The following IREB2 variants were observed in gnomAD, a reference collection of about 807,000 sequenced individuals.
IREB2 encodes iron responsive element binding protein 2, also known as iron-responsive element-binding protein 2.
Under a neutral mutation model 118.8 loss-of-function variants are expected in IREB2, and 39 were observed. The observed-to-expected ratio is 0.33, with a 90% CI of 0.25 to 0.43. IREB2 has a LOEUF of 0.43. Ranked by LOEUF, IREB2 falls within the 20% of genes least tolerant of loss-of-function variation. The pLI, the probability that IREB2 is intolerant of heterozygous loss-of-function variation, is 1.00. For missense variants in IREB2, 900 were observed against 1,147.3 expected (o/e 0.78, Z 3.11); for synonymous variants, 372 against 392.2 (o/e 0.95, Z 0.61).
chr15:78,445,298 C>G (rs2050911057), intron 2 of IREB2, among the ~76,000 whole-genome samples: 4 of 152,148 alleles, frequency 2.6e-5, no homozygotes, highest in Admixed American at 2.0e-4. Context: ...CCTTCACACC[C>G]TGCTGATTTT....
chr15:78,490,935 G>A (rs11858836), intron 18 of IREB2, among the ~76,000 whole-genome samples, 174 bp downstream of exon 18: 35,727 of 151,578 alleles, frequency 0.24, 5,401 homozygotes, highest in Middle Eastern at 0.37. Context: ...GAGGCGGGGG[G>A]TACCTTCTGT....
Position 78,494,187 on chromosome 15 carries a change from C to T in IREB2, c.2518C>T (p.Pro840Ser), listed in dbSNP as rs539106859. 6.2e-7 allele frequency: 1 copy of T among 1,613,898 alleles called. No homozygotes were observed. The highest frequency in any genetic ancestry group is 1.1e-5 in the South Asian group (1 of 91,074). Residue 840 changes from proline (P) to serine (S), a missense_variant, in exon 20 of 22, where the codon CCA (proline) becomes TCA (serine). By Grantham distance (74) the Pro-to-Ser change is moderately conservative. Transcript: ENST00000258886. Reference sequence around the variant, plus strand: ...AGAGCTGTACCAGAAAGAAGGTATCCCACTGATTATTTTAGCAGGAAAGAA... The same window carrying T: ...AGAGCTGTACCAGAAAGAAGGTATCTCACTGATTATTTTAGCAGGAAAGAA... ...AAELYQKEGIPLIILAGKKYG... is the reference protein window; with the variant it reads ...AAELYQKEGISLIILAGKKYG...
At chr15:78,473,445 T>C in intron 8 of IREB2, 64 bp downstream of exon 8, 1 of 1,418,862 alleles carries the variant, frequency 7.0e-7, no homozygotes, top group Non-Finnish European at 9.8e-7. Flanking sequence ...ATTGAAGAGC[T>C]CTATGAGAGC....
chr15:78,486,836 A>C (rs1159965992), intron 13 of IREB2, among the ~76,000 whole-genome samples: 1 of 152,012 alleles, frequency 6.6e-6, no homozygotes. Context: ...CACCCAGCTA[A>C]TTTTTATGTT....
chr15:78,453,719 T>C (rs2051062250), intron 2 of IREB2, among the ~76,000 whole-genome samples: 1 of 152,196 alleles, frequency 6.6e-6, no homozygotes. Flanking sequence ...ACTGTTAGTT[T>C]CTATTTATCA....
At chr15:78,461,761 G>A (rs1050202884) in intron 2 of IREB2, among the ~76,000 whole-genome samples, 6 of 152,144 alleles carry the variant, frequency 3.9e-5, no homozygotes, top group Admixed American at 2.0e-4. Flanking sequence ...GCTCTCATTA[G>A]CTACTCTGAT....
rs200881284 is a variant in IREB2, at chr15:78,494,211, A to G, written c.2542A>G (p.Lys848Glu). ...GIPLIILAGK[K>E]YGSGNSRDWA... ...CCCACTGATTATTTTAGCAGGAAAG[A>G]AATATGGTTCAGGAAACTCCAGAGA... Residue 848 changes from lysine to glutamate, a missense_variant, in exon 20 of 22, where the codon AAA (lysine) becomes GAA (glutamate). Transcript: ENST00000258886. 5.6e-6 allele frequency: 9 copies of G among 1,613,988 alleles called. No individual in the cohort carries two copies. The Admixed American group carries it at 1.5e-4, about 27-fold the overall frequency.
chr15:78,490,360 C>A, intron 16 of IREB2, 62 bp from the exon 17 acceptor site: 1 of 1,012,534 alleles, frequency 9.9e-7, no homozygotes, highest in East Asian at 2.4e-5. Context: ...CATTTTCATG[C>A]GCCTCTTTTT....
At chr15:78,485,908 G>C in intron 13 of IREB2, 68 bp downstream of exon 13, 2 of 1,290,404 alleles carry the variant, frequency 1.5e-6, no homozygotes, top group Non-Finnish European at 2.2e-6. Context: ...GCTTGTTTGT[G>C]CCTTTCATAT....
intron 2 of IREB2, 34 bp downstream of exon 2, chr15:78,439,915 A>G: frequency 7.8e-7 from 1 of 1,277,996 alleles, no homozygotes; most frequent in South Asian, 1.3e-5. Context: ...GGGTTTGTTT[A>G]GTCTCTAATA....
rs139377295 is a variant in IREB2, at chr15:78,447,709, C to A, written c.106+7828C>A. On this transcript the variant is annotated intron_variant, in intron 2 of 21. Coordinates refer to ENST00000258886, the MANE Select transcript of IREB2 (RefSeq NM_004136.4). ...AAGCAGTCTTCCTGCCTTGGCCTCCCAGTGTGCTAGGATTACAGGCGTGAG... is the reference window on the plus strand; with the variant it reads ...AAGCAGTCTTCCTGCCTTGGCCTCCAAGTGTGCTAGGATTACAGGCGTGAG... Among the ~76,000 whole-genome samples the A allele has an allele frequency of 4.9e-3, 743 of 152,274 alleles. 6 individuals are homozygous for A. The highest frequency in any genetic ancestry group is 0.016 in the African/African-American group (684 of 41,552).
At chr15:78,475,441 A>G (rs1014588212) in intron 8 of IREB2, 3 of 152,192 alleles carry the variant, frequency 2.0e-5, no homozygotes, top group African/African-American at 7.2e-5. Flanking sequence ...TTATAATTTG[A>G]AAAATGTTTA....
intron 4 of IREB2, among the ~76,000 whole-genome samples, chr15:78,465,975 G>A (rs2141479689): frequency 6.6e-6 from 1 of 152,154 alleles, no homozygotes; most frequent in Admixed American, 6.5e-5. Flanking sequence ...GTTGTTAGGG[G>A]GAAAAAATCT....
At chr15:78,491,024 T>A (rs2051742153) in intron 18 of IREB2, among the ~76,000 whole-genome samples, 1 of 152,154 alleles carries the variant, frequency 6.6e-6, no homozygotes, top group Non-Finnish European at 1.5e-5. Context: ...AACAGCTGAT[T>A]GGAAATAAGA....
chr15:78,447,730 G>C (rs1169838466), intron 2 of IREB2, among the ~76,000 whole-genome samples: 1 of 152,166 alleles, frequency 6.6e-6, no homozygotes, highest in Non-Finnish European at 1.5e-5. Flanking sequence ...GATTACAGGC[G>C]TGAGCCACCA....
At chr15:78,467,779 G>T (rs2051309054) in intron 5 of IREB2, among the ~76,000 whole-genome samples, 1 of 152,136 alleles carries the variant, frequency 6.6e-6, no homozygotes, top group Non-Finnish European at 1.5e-5. Flanking sequence ...TAGAGACAAG[G>T]TCTCACTATG....
chr15:78,446,210 G>C (rs1297768341), intron 2 of IREB2, among the ~76,000 whole-genome samples: 1 of 152,158 alleles, frequency 6.6e-6, no homozygotes, highest in Non-Finnish European at 1.5e-5. Flanking sequence ...AGACTGGGTT[G>C]GGTAAGCAAT....
intron 5 of IREB2, among the ~76,000 whole-genome samples, chr15:78,468,781 A>C (rs563008360): frequency 1.3e-5 from 2 of 152,212 alleles, no homozygotes; most frequent in East Asian, 3.9e-4. Context: ...TTCCTTTCTA[A>C]GGATTCAGTA....
chr15:78,466,660 A>G (rs2051288500), intron 5 of IREB2, among the ~76,000 whole-genome samples, 171 bp downstream of exon 5: 1 of 152,194 alleles, frequency 6.6e-6, no homozygotes. Flanking sequence ...ATTTAGTGAA[A>G]ATGGTGATCT....
Sources: allele counts gnomAD v4.1 joint callset (sites outside exome capture counted in the v4.1 genomes callset), GRCh38; gene constraint gnomAD v4.1.1; transcripts MANE v1.5; gene names NCBI Gene and HGNC (gene_info 2026-07-23, HGNC 2026-07-21).